Variants in UBP1 observed in about 807,000 individuals in gnomAD.
The protein encoded by UBP1 is upstream binding protein 1, also known as upstream-binding protein 1.
A neutral mutation model predicts 76.1 loss-of-function variants in UBP1; 22 were observed. That is an observed-to-expected ratio of 0.29 (90% CI 0.21 to 0.41). UBP1 has a LOEUF of 0.41. UBP1 is among the 10% of genes least tolerant of loss of function. The pLI is 1.00. For synonymous variants in UBP1, 224 were observed against 237.1 expected (o/e 0.94, Z 0.51); for missense variants, 436 against 668.1 (o/e 0.65, Z 3.83).
intron 5 of UBP1, among the ~76,000 whole-genome samples, chr3:33,410,016 C>T (rs1284298752): frequency 6.6e-6 from 1 of 152,188 alleles, no homozygotes; most frequent in African/African-American, 2.4e-5. Context: ...CCCTCTACTG[C>T]CATTACCCCT....
chr3:33,416,268 A>AG (rs1189648133), intron 3 of UBP1, among the ~76,000 whole-genome samples: 2 of 152,184 alleles, frequency 1.3e-5, no homozygotes, highest in Non-Finnish European at 2.9e-5. Flanking sequence ...AGGAGGGGCC[A>AG]GGGGGCAGGG....
In UBP1 at chr3:33,434,289, CTTTTTTTTTTTTTTT is replaced by C. The variant is rs371209882; in HGVS notation, c.113+5432_113+5446del. On this transcript the variant is annotated intron_variant, in intron 1 of 15. Transcript: ENST00000283629. ...GTAAGGTTTCAGTAGTCAGCAAATC[CTTTTTTTTTTTTTTT>C]TTTTTTTTTTTGAGAAAGAGTCTTG... Among the ~76,000 whole-genome samples, 13 of 101,280 alleles carry C rather than the reference CTTTTTTTTTTTTTTT, an allele frequency of 1.3e-4. No individual in the cohort carries two copies. In the East Asian group the frequency reaches 3.8e-3, roughly 29 times the overall value. The allele number at this position is 101,280 out of a possible 152,430, so 66.4% of individuals were successfully genotyped here. A position where few individuals can be genotyped will look rare whatever the true frequency, so the allele number is the denominator to read the frequency against.
intron 5 of UBP1, among the ~76,000 whole-genome samples, chr3:33,410,173 T>G (rs2044543497): frequency 6.6e-6 from 1 of 152,232 alleles, no homozygotes; most frequent in Admixed American, 6.5e-5. Flanking sequence ...CAAAGTCCAT[T>G]CAGGATCCAG....
At chr3:33,393,862 C>G (rs1432828285) in intron 13 of UBP1, among the ~76,000 whole-genome samples, 1 of 152,106 alleles carries the variant, frequency 6.6e-6, no homozygotes, top group Admixed American at 6.6e-5. Context: ...CAATGGCTGC[C>G]AAACTCTCTA....
In UBP1 at chr3:33,389,980, T is replaced by C. The variant is rs753395533; in HGVS notation, c.*351A>G. 160 of 225,966 alleles carry C rather than the reference T, an allele frequency of 7.1e-4. No individual in the cohort carries two copies. Among genetic ancestry groups the C allele is most frequent in the Non-Finnish European group, 1.2e-3 (140 of 114,714 alleles). The allele number at this position is 225,966 out of a possible 1,614,324, so 14.0% of individuals were successfully genotyped here. ...CAGAAAGGTAAATGCCCACAGTAAG[T>C]TTCTACATTCATTTCCAAACCGCAT... On this transcript the variant is annotated 3_prime_UTR_variant, in exon 16 of 16. Coordinates refer to ENST00000283629, the MANE Select transcript of UBP1 (RefSeq NM_014517.5).
At chr3:33,408,219 G>A (rs1243114548) in intron 8 of UBP1, among the ~76,000 whole-genome samples, 1 of 152,104 alleles carries the variant, frequency 6.6e-6, no homozygotes, top group East Asian at 1.9e-4. Flanking sequence ...AACTGCACGT[G>A]TTAATGTCAA....
chr3:33,441,319 CG>C (rs2045298929), upstream of UBP1: 1 of 152,310 alleles, frequency 6.6e-6, no homozygotes. Context: ...TGGCGCTTGA[CG>C]GGCGGAATCC....
At chr3:33,422,623 G>A (rs1434751556) in intron 2 of UBP1, among the ~76,000 whole-genome samples, 3 of 151,888 alleles carry the variant, frequency 2.0e-5, no homozygotes, top group Admixed American at 2.0e-4. Context: ...TACTCAGGAG[G>A]CTAGGGTGGG....
chr3:33,399,822 G>A (rs757549251), intron 11 of UBP1, among the ~76,000 whole-genome samples: 4 of 151,732 alleles, frequency 2.6e-5, no homozygotes, highest in Admixed American at 6.6e-5. Flanking sequence ...TGTGAGAAAC[G>A]GAGTGAAGAG....
intron 3 of UBP1, chr3:33,415,868 T>C (rs907429031): frequency 1.2e-4 from 19 of 152,304 alleles, no homozygotes; most frequent in African/African-American, 4.3e-4. Context: ...AACCCATCAT[T>C]TGATCCCTAA....
chr3:33,388,750 T>TA lies in UBP1; in HGVS notation c.*1580dup, dbSNP rs1181377059. The TA allele has an allele frequency of 6.6e-6, 1 of 152,236 alleles. No individual in the cohort carries two copies. The highest frequency in any genetic ancestry group is 1.5e-5 in the Non-Finnish European group (1 of 68,046). The allele number at this position is 152,236 out of a possible 1,614,324, so 9.4% of individuals were successfully genotyped here. A position where few individuals can be genotyped will look rare whatever the true frequency, so the allele number is the denominator to read the frequency against. On this transcript the variant is annotated 3_prime_UTR_variant, in exon 16 of 16. Coordinates refer to ENST00000283629, the MANE Select transcript of UBP1 (RefSeq NM_014517.5). ...CTCTGCCTATAGGATCTATAGGAGTTACAGATATTTTCAAATCGATGATGA... is the reference window on the plus strand; with the variant it reads ...CTCTGCCTATAGGATCTATAGGAGTTAACAGATATTTTCAAATCGATGATGA...
chr3:33,401,982 G>C (rs966332520), intron 9 of UBP1, among the ~76,000 whole-genome samples: 6 of 151,422 alleles, frequency 4.0e-5, no homozygotes, highest in African/African-American at 1.4e-4. Context: ...ACAACAAGCT[G>C]CCTTCTCAGT....
At chr3:33,437,984 T>C (rs530651718) in intron 1 of UBP1, among the ~76,000 whole-genome samples, 1 of 152,308 alleles carries the variant, frequency 6.6e-6, no homozygotes, top group South Asian at 2.1e-4. Flanking sequence ...CAAACTTCTT[T>C]GAAAATTTAG....
At chr3:33,422,377 AAAAC>A (rs2044918055) in intron 2 of UBP1, among the ~76,000 whole-genome samples, 1 of 151,822 alleles carries the variant, frequency 6.6e-6, no homozygotes, top group South Asian at 2.1e-4. Flanking sequence ...CCTGTCTCTA[AAAAC>A]AAACAAATAA....
At chr3:33,417,901 T>TA (rs1420892891) in intron 2 of UBP1, among the ~76,000 whole-genome samples, 2 of 152,240 alleles carry the variant, frequency 1.3e-5, no homozygotes, top group Non-Finnish European at 2.9e-5. Flanking sequence ...GTTATCAAAA[T>TA]ACAACTACAT....
At chr3:33,424,354 T>C (rs778829732) in intron 2 of UBP1, among the ~76,000 whole-genome samples, 40 of 152,362 alleles carry the variant, frequency 2.6e-4, no homozygotes, top group Admixed American at 2.3e-3. Flanking sequence ...TAAGTTATTC[T>C]TCCACATTTC....
intron 11 of UBP1, chr3:33,397,444 C>G (rs2044046564): frequency 5.4e-6 from 1 of 186,650 alleles, no homozygotes; most frequent in South Asian, 1.9e-4. Context: ...TATTTAGTGA[C>G]TGGGTTGTGG....
At chr3:33,422,529 C>CAATG (rs1225206223) in intron 2 of UBP1, among the ~76,000 whole-genome samples, 1 of 151,938 alleles carries the variant, frequency 6.6e-6, no homozygotes, top group South Asian at 2.1e-4. Flanking sequence ...TTAGCGTGGG[C>CAATG]AATGAATAGT....
chr3:33,395,970 G>C (rs1270591462), intron 13 of UBP1, among the ~76,000 whole-genome samples, 192 bp downstream of exon 13: 1 of 152,048 alleles, frequency 6.6e-6, no homozygotes, highest in African/African-American at 2.4e-5. Context: ...GACTGAGAAA[G>C]AATGCCAGTT....
Sources: gnomAD v4.1 joint callset for allele counts (sites outside exome capture counted in the v4.1 genomes callset) on GRCh38, gnomAD v4.1.1 for gene constraint, MANE v1.5 for transcripts, NCBI Gene and HGNC (gene_info 2026-07-23, HGNC 2026-07-21) for gene names.